MVB12B: variants seen among roughly 807,000 people sequenced by gnomAD.
MVB12B encodes the protein ESCRT-I complex subunit MVB12B.
In MVB12B, 16 loss-of-function variants were observed where a neutral mutation model predicts 41.6. The ratio of observed to expected loss-of-function variants is 0.38; its 90% CI spans 0.26 to 0.58. The LOEUF is 0.58. MVB12B is among the 20% of genes least tolerant of loss of function. The pLI is 0.62. For synonymous variants in MVB12B, 133 were observed against 139.7 expected, an observed-to-expected ratio of 0.95 and a Z score of 0.34; for missense variants, 274 against 380.2, an observed-to-expected ratio of 0.72 and a Z score of 2.32.
At chr9:126,499,622 C>CA in intron 9 of MVB12B, among the ~76,000 whole-genome samples, 1 of 152,240 alleles carries the variant, frequency 6.6e-6, no homozygotes, top group East Asian at 1.9e-4. Flanking sequence ...GAGGAGCGGG[C>CA]AGGGACCGCG....
At chr9:126,420,735 G>C (rs989146871) in intron 6 of MVB12B, among the ~76,000 whole-genome samples, 3 of 151,846 alleles carry the variant, frequency 2.0e-5, no homozygotes, top group African/African-American at 4.8e-5. Flanking sequence ...TAGAGACAGG[G>C]TTTCACCATG....
chr9:126,411,327 C>T (rs1831641443), intron 6 of MVB12B, among the ~76,000 whole-genome samples: 1 of 151,988 alleles, frequency 6.6e-6, no homozygotes, highest in Non-Finnish European at 1.5e-5. Context: ...GGATAAATTC[C>T]TAAAGGGGAA....
intron 6 of MVB12B, among the ~76,000 whole-genome samples, chr9:126,417,633 T>G (rs1404355786): frequency 1.3e-5 from 2 of 152,214 alleles, no homozygotes; most frequent in African/African-American, 4.8e-5. Context: ...CAACAAATGG[T>G]CAGTAATTGT....
chr9:126,343,127 CT>C (rs1829494294), intron 2 of MVB12B, among the ~76,000 whole-genome samples: 1 of 152,214 alleles, frequency 6.6e-6, no homozygotes, highest in African/African-American at 2.4e-5. Context: ...AATTCAATAA[CT>C]TCCCTTCTCT....
At chr9:126,463,831 T>C (rs1449054566) in intron 7 of MVB12B, among the ~76,000 whole-genome samples, 1 of 152,200 alleles carries the variant, frequency 6.6e-6, no homozygotes, top group Admixed American at 6.5e-5. Context: ...TTTTTTAACC[T>C]GTAGGGAGTC....
chr9:126,478,574 G>A lies in MVB12B; in HGVS notation c.758-2795G>A, dbSNP rs1833464969. The stretch of plus-strand genomic sequence containing the variant: ...GAAGGACAGTTGAGGTACAAGCATA[G>A]AGGGAGGGAAGGGATGGGTAAGCCG... On this transcript the variant is annotated intron_variant, in intron 7 of 9. Transcript: ENST00000361171. The surrounding 1 kb of genome is among the most constrained non-coding windows in gnomAD (Gnocchi z 4.2). 6.6e-6 allele frequency among the ~76,000 whole-genome samples: 1 copy of A among 152,212 alleles called. No individual in the cohort carries two copies. The highest frequency in any genetic ancestry group is 2.4e-5 in the African/African-American group (1 of 41,460).
intron 7 of MVB12B, among the ~76,000 whole-genome samples, chr9:126,433,495 G>A (rs575426425): frequency 1.7e-4 from 26 of 152,210 alleles, no homozygotes; most frequent in African/African-American, 5.5e-4. Context: ...CAAGCCCATC[G>A]TTTCACTTAT....
At chr9:126,472,049 T>C (rs1833324817) in intron 7 of MVB12B, among the ~76,000 whole-genome samples, 1 of 151,928 alleles carries the variant, frequency 6.6e-6, no homozygotes, top group African/African-American at 2.4e-5. Context: ...AATTAATCCA[T>C]GTGTTGATTG....
At chr9:126,428,119 T>C (rs1452055239) in intron 7 of MVB12B, among the ~76,000 whole-genome samples, 1 of 152,194 alleles carries the variant, frequency 6.6e-6, no homozygotes, top group Non-Finnish European at 1.5e-5. Context: ...GTTTGGATCA[T>C]GGCCCCTTGT....
intron 7 of MVB12B, among the ~76,000 whole-genome samples, chr9:126,429,756 T>C (rs1206556746): frequency 6.6e-6 from 1 of 152,212 alleles, no homozygotes; most frequent in African/African-American, 2.4e-5. Flanking sequence ...GCTGTGTCAC[T>C]GAAGTTAATG....
chr9:126,458,319 C>G (rs1833026280), intron 7 of MVB12B, among the ~76,000 whole-genome samples: 1 of 152,192 alleles, frequency 6.6e-6, no homozygotes, highest in Admixed American at 6.5e-5. Context: ...CCTAGGAACC[C>G]TGTCAGGCAC....
chr9:126,413,849 T>TGTGTGCGTGC (rs1554776184), intron 6 of MVB12B, among the ~76,000 whole-genome samples: 38 of 148,628 alleles, frequency 2.6e-4, no homozygotes, highest in Admixed American at 1.7e-3. Context: ...TGTGTGTGTG[T>TGTGTGCGTGC]GTGTATAAGG....
At chr9:126,485,543 A>T (rs767679803) in intron 9 of MVB12B, among the ~76,000 whole-genome samples, 19 of 78,486 alleles carry the variant, frequency 2.4e-4, no homozygotes, top group East Asian at 6.0e-4. Context: ...TCAGGGTACC[A>T]TCCACTGTGC....
chr9:126,428,143 G>A (rs1832232945), intron 7 of MVB12B, among the ~76,000 whole-genome samples: 1 of 152,030 alleles, frequency 6.6e-6, no homozygotes, highest in African/African-American at 2.4e-5. Context: ...GAGAGAAGGA[G>A]GATTTTATCT....
In MVB12B at chr9:126,386,740, T is replaced by G. The variant is rs1169112667; in HGVS notation, c.409+82T>G. The stretch of plus-strand genomic sequence containing the variant: ...TTTGTAGGTGTTTTTCTATGTGCAT[T>G]TTTCTTCAGAAACACTTTTGGAGGC... On this transcript the variant is annotated intron_variant, in intron 4 of 9. Coordinates refer to ENST00000361171, the MANE Select transcript of MVB12B (RefSeq NM_033446.3). This position sits in a 1 kb window ranked among gnomAD's most constrained non-coding sequence, Gnocchi z 4.3. 5 of 1,048,886 alleles carry G rather than the reference T, an allele frequency of 4.8e-6. No homozygotes were observed. Among genetic ancestry groups the G allele is most frequent in the Non-Finnish European group, 7.2e-6 (5 of 690,198 alleles). 65.0% of individuals were successfully genotyped at this position (1,048,886 alleles called of 1,614,324 possible).
chr9:126,465,098 G>A lies in MVB12B; in HGVS notation c.758-16271G>A, dbSNP rs12006260. On this transcript the variant is annotated intron_variant, in intron 7 of 9. Coordinates refer to ENST00000361171, the MANE Select transcript of MVB12B (RefSeq NM_033446.3). ...GACCATTTTTGATAAGACTTTATGAGTAGAATCTGGGTGAGGGCTATAGAA... is the reference window on the plus strand; with the variant it reads ...GACCATTTTTGATAAGACTTTATGAATAGAATCTGGGTGAGGGCTATAGAA... 3.7e-3 allele frequency among the ~76,000 whole-genome samples: 562 copies of A among 152,334 alleles called. 2 individuals are homozygous for A. The highest frequency in any genetic ancestry group is 0.013 in the African/African-American group (541 of 41,564).
At chr9:126,357,165 C>G (rs1339617442) in intron 2 of MVB12B, among the ~76,000 whole-genome samples, 1 of 152,082 alleles carries the variant, frequency 6.6e-6, no homozygotes, top group Non-Finnish European at 1.5e-5. Context: ...GAATAATGAT[C>G]TTGAGATTCA....
chr9:126,416,998 C>T (rs1831845030), intron 6 of MVB12B, among the ~76,000 whole-genome samples: 1 of 152,216 alleles, frequency 6.6e-6, no homozygotes, highest in Non-Finnish European at 1.5e-5. Flanking sequence ...TAATCTGTCC[C>T]TGGGGCCCAA....
At chr9:126,417,566 C>G (rs1169407194) in intron 6 of MVB12B, among the ~76,000 whole-genome samples, 1 of 152,128 alleles carries the variant, frequency 6.6e-6, no homozygotes, top group Non-Finnish European at 1.5e-5. Flanking sequence ...AACAGCAGTT[C>G]ATGTCAAAAA....
Sources: gnomAD v4.1 joint callset for allele counts (sites outside exome capture counted in the v4.1 genomes callset) on GRCh38, gnomAD v4.1.1 for gene constraint, Gnocchi (gnomAD v3.1) non-coding constraint, MANE v1.5 for transcripts, NCBI Gene and HGNC (gene_info 2026-07-23, HGNC 2026-07-21) for gene names.